Variants in ATP6V0D2 observed in about 807,000 individuals in gnomAD.
ATP6V0D2 encodes V-type proton ATPase subunit d 2.
In ATP6V0D2, 40 loss-of-function variants were observed where a neutral mutation model predicts 40.0. That is an observed-to-expected ratio of 1.00 (90% CI 0.78 to 1.30). ATP6V0D2 has a LOEUF of 1.30. ATP6V0D2 is among the 50% of genes most tolerant of loss of function. The probability of loss-of-function intolerance (pLI) is 0.00; values close to 1 mark genes in which losing one functional copy is unlikely to be tolerated. For synonymous variants in ATP6V0D2, 179 were observed against 156.3 expected (o/e 1.15, Z -1.08); for missense variants, 470 against 423.1 (o/e 1.11, Z -0.97).
At chr8:86,113,281 C>G (rs577672501) in intron 1 of ATP6V0D2, among the ~76,000 whole-genome samples, 18 of 152,022 alleles carry the variant, frequency 1.2e-4, no homozygotes, top group Admixed American at 2.6e-4. Context: ...GAGTTCGAGA[C>G]CAGCCTGGCC....
chr8:86,120,269 T>C (rs1164966824), intron 2 of ATP6V0D2, among the ~76,000 whole-genome samples: 11 of 151,998 alleles, frequency 7.2e-5, no homozygotes, highest in Non-Finnish European at 1.5e-4. Flanking sequence ...AGTGTGGTGG[T>C]ACATACCTGT....
intron 4 of ATP6V0D2, 56 bp from the exon 5 acceptor site, chr8:86,142,821 T>G: frequency 1.7e-6 from 2 of 1,154,122 alleles, no homozygotes; most frequent in Non-Finnish European, 2.5e-6. Context: ...GATCTAGACA[T>G]TTTCAAAAGG....
At chr8:86,112,841 G>A (rs1818541790) in intron 1 of ATP6V0D2, among the ~76,000 whole-genome samples, 1 of 152,150 alleles carries the variant, frequency 6.6e-6, no homozygotes, top group African/African-American at 2.4e-5. Context: ...TGGTGGAAAC[G>A]ATGCTGGGTT....
In ATP6V0D2 at chr8:86,112,212, A is replaced by G. The variant is rs146622635; in HGVS notation, c.131-1497A>G. On this transcript the variant is annotated intron_variant, in intron 1 of 7. Coordinates refer to ENST00000285393, the MANE Select transcript of ATP6V0D2 (RefSeq NM_152565.1). Reference sequence around the variant, plus strand: ...CATGCTTAAGACTATATAATATCCTATAATAGGTGTTATGCTAGAGGTTTT... The same window carrying G: ...CATGCTTAAGACTATATAATATCCTGTAATAGGTGTTATGCTAGAGGTTTT... Among the ~76,000 whole-genome samples, 620 of 152,338 alleles carry G rather than the reference A, an allele frequency of 4.1e-3. 4 individuals are homozygous for G. Among genetic ancestry groups the G allele is most frequent in the Admixed American group, 7.4e-3 (113 of 15,296 alleles).
At chr8:86,123,062 C>A (rs979037857) in intron 2 of ATP6V0D2, among the ~76,000 whole-genome samples, 6 of 152,290 alleles carry the variant, frequency 3.9e-5, no homozygotes, top group African/African-American at 1.4e-4. Context: ...GAAGTATTTT[C>A]CCCCTGGGTG....
intron 2 of ATP6V0D2, among the ~76,000 whole-genome samples, chr8:86,122,213 C>T (rs1283064663): frequency 6.6e-6 from 1 of 152,120 alleles, no homozygotes. Flanking sequence ...AGTATCCCAC[C>T]TCAGAGGCTG....
intron 5 of ATP6V0D2, among the ~76,000 whole-genome samples, chr8:86,146,969 GT>G (rs1224976331): frequency 6.6e-6 from 1 of 150,858 alleles, no homozygotes; most frequent in Admixed American, 6.6e-5. Flanking sequence ...CAGCTTACAT[GT>G]GAAAATTTGA....
chr8:86,105,668 G>A (rs545512656), intron 1 of ATP6V0D2, among the ~76,000 whole-genome samples: 1 of 143,728 alleles, frequency 7.0e-6, no homozygotes, highest in Non-Finnish European at 1.5e-5. Context: ...AGGCTGGAGT[G>A]CAGTGGCGCG....
chr8:86,100,926 A>G (rs1818388233), intron 1 of ATP6V0D2, among the ~76,000 whole-genome samples: 1 of 152,054 alleles, frequency 6.6e-6, no homozygotes, highest in African/African-American at 2.4e-5. Context: ...ATCTAAAGCC[A>G]TATAAAGAAT....
chr8:86,117,262 G>C (rs370226927), intron 2 of ATP6V0D2, among the ~76,000 whole-genome samples: 1 of 152,026 alleles, frequency 6.6e-6, no homozygotes, highest in Admixed American at 6.6e-5. Context: ...GTTTAGAAAG[G>C]CCTTCACTCC....
chr8:86,107,966 C>A (rs75716593), intron 1 of ATP6V0D2, among the ~76,000 whole-genome samples: 3,477 of 152,146 alleles, frequency 0.023, 148 homozygotes, highest in African/African-American at 0.079. Flanking sequence ...GAGTAATTAC[C>A]AGATTTGATG....
chr8:86,143,233 G>T (rs568400922), intron 5 of ATP6V0D2, among the ~76,000 whole-genome samples: 1 of 152,210 alleles, frequency 6.6e-6, no homozygotes, highest in South Asian at 2.1e-4. Context: ...TTTTAATGTA[G>T]TATGTAAAAA....
chr8:86,122,062 T>C (rs144691625), intron 2 of ATP6V0D2, among the ~76,000 whole-genome samples: 1 of 152,356 alleles, frequency 6.6e-6, no homozygotes, highest in East Asian at 1.9e-4. Context: ...TGCAATAACA[T>C]TTTAACGAAG....
intron 5 of ATP6V0D2, among the ~76,000 whole-genome samples, chr8:86,145,104 G>C (rs909444051): frequency 2.0e-5 from 3 of 150,948 alleles, no homozygotes; most frequent in Non-Finnish European, 2.9e-5. Context: ...GGAGGTGGAG[G>C]TTGCAGTGAG....
intron 5 of ATP6V0D2, 41 bp from the exon 6 acceptor site, chr8:86,150,071 G>C (rs1465274166): frequency 6.3e-7 from 1 of 1,581,782 alleles, no homozygotes; most frequent in Non-Finnish European, 8.6e-7. Context: ...ATAGCATTTA[G>C]CAGTTTATTA....
At chr8:86,151,207 G>A (rs1008578488) in intron 6 of ATP6V0D2, among the ~76,000 whole-genome samples, 3 of 149,288 alleles carry the variant, frequency 2.0e-5, no homozygotes, top group Non-Finnish European at 4.5e-5. Flanking sequence ...GTGAGAAAAT[G>A]AGCTCAAACA....
chr8:86,153,154 G>C lies in ATP6V0D2; in HGVS notation c.*177G>C, dbSNP rs892899673. On this transcript the variant is annotated 3_prime_UTR_variant, in exon 8 of 8. Coordinates refer to ENST00000285393, the MANE Select transcript of ATP6V0D2 (RefSeq NM_152565.1). ...CAGCCCTGAAACAAAGCATTTCCTTGTTTTCAGTGGTATTAGATCTTGTTT... is the reference window on the plus strand; with the variant it reads ...CAGCCCTGAAACAAAGCATTTCCTTCTTTTCAGTGGTATTAGATCTTGTTT... 1 of 460,410 alleles carries C rather than the reference G, an allele frequency of 2.2e-6. No homozygotes were observed. The highest frequency in any genetic ancestry group is 3.7e-6 in the Non-Finnish European group (1 of 272,394). 28.5% of individuals were successfully genotyped at this position (460,410 alleles called of 1,614,324 possible). A position where few individuals can be genotyped will look rare whatever the true frequency, so the allele number is the denominator to read the frequency against.
chr8:86,116,708 T>C (rs1818595366), intron 2 of ATP6V0D2, among the ~76,000 whole-genome samples: 1 of 152,194 alleles, frequency 6.6e-6, no homozygotes. Flanking sequence ...CTTATTTCTA[T>C]GCAGGTCTTG....
chr8:86,113,517 A>C (rs957440149), intron 1 of ATP6V0D2, among the ~76,000 whole-genome samples, 192 bp from the exon 2 acceptor site: 5 of 152,182 alleles, frequency 3.3e-5, no homozygotes, highest in Non-Finnish European at 5.9e-5. Context: ...GGTGTGCTGG[A>C]TTATCCATAT....
Sources: gnomAD v4.1 joint callset for allele counts (sites outside exome capture counted in the v4.1 genomes callset) on GRCh38, gnomAD v4.1.1 for gene constraint, MANE v1.5 for transcripts, NCBI Gene and HGNC (gene_info 2026-07-23, HGNC 2026-07-21) for gene names.